The following MYO16 variants were observed in gnomAD, a reference collection of about 807,000 sequenced individuals.
The protein encoded by MYO16 is myosin XVI.
Under a neutral mutation model 205.3 loss-of-function variants are expected in MYO16, and 94 were observed. The observed-to-expected ratio is 0.46, with a 90% CI of 0.39 to 0.54. The LOEUF (loss-of-function observed/expected upper bound fraction) is 0.54. MYO16 is among the 20% of genes least tolerant of loss of function. MYO16 has a pLI of 0.00. For missense variants in MYO16, 2,315 were observed against 2,387.5 expected (o/e 0.97, Z 0.63); for synonymous variants, 988 against 954.0 (o/e 1.04, Z -0.66).
intron 1 of MYO16, among the ~76,000 whole-genome samples, chr13:108,599,049 T>A (rs1458166683): frequency 6.9e-6 from 1 of 144,976 alleles, no homozygotes; most frequent in East Asian, 2.2e-4. Context: ...TGTCCGTGTG[T>A]TCTCATTGTT....
chr13:109,175,462 C>A (rs1426032191), intron 33 of MYO16, among the ~76,000 whole-genome samples: 1 of 152,172 alleles, frequency 6.6e-6, no homozygotes, highest in Admixed American at 6.5e-5. Flanking sequence ...TGCATGTTTT[C>A]TTTGAGCAGA....
intron 23 of MYO16, among the ~76,000 whole-genome samples, chr13:109,023,670 A>ATATATGT (rs1566468212): frequency 2.5e-4 from 16 of 64,886 alleles, no homozygotes; most frequent in East Asian, 7.1e-4. Flanking sequence ...TATATATGCA[A>ATATATGT]ATATATGTAT....
chr13:109,202,138 A>G (rs1841537357), intron 34 of MYO16, among the ~76,000 whole-genome samples: 1 of 152,048 alleles, frequency 6.6e-6, no homozygotes, highest in African/African-American at 2.4e-5. Context: ...ACATTTTTGC[A>G]ATTGCGAATT....
At chr13:108,871,085 C>T (rs1879030454) in intron 12 of MYO16, among the ~76,000 whole-genome samples, 1 of 152,008 alleles carries the variant, frequency 6.6e-6, no homozygotes, top group Admixed American at 6.6e-5. Flanking sequence ...ATTGCTTGGC[C>T]ATATTTTAAA....
the MYO16 span, among the ~76,000 whole-genome samples, chr13:108,519,686 T>G: frequency 6.7e-6 from 1 of 149,124 alleles, no homozygotes; most frequent in African/African-American, 2.5e-5. Context: ...AAAATCAAAC[T>G]TTTACACTAA....
chr13:108,599,461 G>C (rs1217482481), intron 1 of MYO16, among the ~76,000 whole-genome samples: 4 of 152,020 alleles, frequency 2.6e-5, no homozygotes, highest in Non-Finnish European at 5.9e-5. Context: ...CCCACTTGTG[G>C]TATTCTTTTT....
intron 1 of MYO16, among the ~76,000 whole-genome samples, chr13:108,636,566 G>A (rs2139368469): frequency 6.6e-6 from 1 of 152,092 alleles, no homozygotes; most frequent in East Asian, 1.9e-4. Context: ...TTTTAGTAGA[G>A]ACAGGGTTTC....
At chr13:108,826,220 A>G (rs958588839) in intron 9 of MYO16, among the ~76,000 whole-genome samples, 1 of 152,160 alleles carries the variant, frequency 6.6e-6, no homozygotes, top group African/African-American at 2.4e-5. Flanking sequence ...CTGGCATAGG[A>G]TGGAAATATA....
chr13:108,893,965 CT>C (rs1242198151), intron 14 of MYO16, among the ~76,000 whole-genome samples: 1 of 152,110 alleles, frequency 6.6e-6, no homozygotes, highest in Non-Finnish European at 1.5e-5. Context: ...AAGATACCAC[CT>C]GAGACTAGGA....
At chr13:109,171,358 G>A (rs2139893774) in intron 33 of MYO16, among the ~76,000 whole-genome samples, 1 of 152,142 alleles carries the variant, frequency 6.6e-6, no homozygotes, top group South Asian at 2.1e-4. Flanking sequence ...TCTAAATAAG[G>A]GCACAAGATG....
At chr13:108,807,726 G>C (rs1308622202) in intron 7 of MYO16, among the ~76,000 whole-genome samples, 3 of 152,098 alleles carry the variant, frequency 2.0e-5, no homozygotes, top group East Asian at 1.9e-4. Flanking sequence ...AGTTCTTTTT[G>C]AGTTGCTTGC....
At chr13:108,545,327 G>A in the MYO16 span, among the ~76,000 whole-genome samples, 1 of 152,254 alleles carries the variant, frequency 6.6e-6, no homozygotes, top group South Asian at 2.1e-4. Flanking sequence ...TGCTGCATAG[G>A]ACATAATCTT....
Position 109,125,105 on chromosome 13 carries a change from A to T in MYO16, c.3536-7A>T, listed in dbSNP as rs772505530. ...CCATTTACTAACCCATGATCCTTCT[A>T]TAAAAGTTATCAGAGGATTTTTAGC... On this transcript the variant is annotated splice_polypyrimidine_tract_variant and splice_region_variant and intron_variant, in intron 29 of 34. Transcript: ENST00000457511. The surrounding 1 kb of genome is among the most constrained non-coding windows in gnomAD (Gnocchi z 4.0). 6.8e-6 allele frequency: 11 copies of T among 1,613,762 alleles called. No homozygotes were observed. In the East Asian group the frequency reaches 2.2e-4, roughly 33 times the overall value.
rs75543309 is a variant in MYO16 at position 108,596,940 on chromosome 13, A to G, written c.-39+701A>G. Among the ~76,000 whole-genome samples the G allele has an allele frequency of 4.6e-3, 695 of 152,342 alleles. 6 individuals are homozygous for G. Among genetic ancestry groups the G allele is most frequent in the African/African-American group, 0.016 (673 of 41,590 alleles). ...TGTACATTTCAAAACAGAAGAGCATAATTAAATGTTTCTAGCATACAGAAA... is the reference window on the plus strand; with the variant it reads ...TGTACATTTCAAAACAGAAGAGCATGATTAAATGTTTCTAGCATACAGAAA... On this transcript the variant is annotated intron_variant, in intron 1 of 24. Transcript: ENST00000251041.
At chr13:108,693,540 C>T (rs1882979334) in intron 2 of MYO16, among the ~76,000 whole-genome samples, 1 of 152,138 alleles carries the variant, frequency 6.6e-6, no homozygotes. Flanking sequence ...AAGGTTCATT[C>T]ATGTTGGAGC....
intron 23 of MYO16, among the ~76,000 whole-genome samples, chr13:109,039,700 G>T (rs540823414): frequency 1.3e-5 from 2 of 152,230 alleles, no homozygotes; most frequent in African/African-American, 4.8e-5. Context: ...AGCTAAAATA[G>T]TATTGAATGA....
chr13:109,093,323 G>A (rs976373234), intron 27 of MYO16, among the ~76,000 whole-genome samples: 4 of 152,128 alleles, frequency 2.6e-5, no homozygotes, highest in Non-Finnish European at 4.4e-5. Flanking sequence ...TGAGCATTCC[G>A]CACCATCACA....
intron 3 of MYO16, among the ~76,000 whole-genome samples, chr13:108,713,988 T>C (rs1452312638): frequency 6.6e-6 from 1 of 152,216 alleles, no homozygotes; most frequent in Admixed American, 6.5e-5. Context: ...AGGCACATTC[T>C]GCTAAGAGTC....
At chr13:109,115,022 T>C (rs1004177102) in intron 28 of MYO16, among the ~76,000 whole-genome samples, 3 of 152,156 alleles carry the variant, frequency 2.0e-5, no homozygotes, top group Admixed American at 6.5e-5. Flanking sequence ...ATGTGCATCA[T>C]AGAAAAATAT....
Sources: allele counts gnomAD v4.1 joint callset (sites outside exome capture counted in the v4.1 genomes callset), GRCh38; gene constraint gnomAD v4.1.1; non-coding constraint Gnocchi (gnomAD v3.1); transcripts MANE v1.5; gene names NCBI Gene and HGNC (gene_info 2026-07-23, HGNC 2026-07-21).